GRM7: variants seen among roughly 807,000 people sequenced by gnomAD.
GRM7 encodes the protein glutamate metabotropic receptor 7, also known as metabotropic glutamate receptor 7.
A neutral mutation model predicts 84.5 loss-of-function variants in GRM7; 35 were observed. The observed-to-expected ratio is 0.41, with a 90% CI of 0.32 to 0.55. The LOEUF (loss-of-function observed/expected upper bound fraction) is 0.55. Ranked by LOEUF, GRM7 falls within the 20% of genes least tolerant of loss-of-function variation. The probability of loss-of-function intolerance (pLI) is 0.19; values close to 1 mark genes in which losing one functional copy is unlikely to be tolerated. For synonymous variants in GRM7, 487 were observed against 455.1 expected, an observed-to-expected ratio of 1.07 and a Z score of -0.89; for missense variants, 1,003 against 1,194.6, an observed-to-expected ratio of 0.84 and a Z score of 2.36.
chr3:7,066,124 G>C (rs1697648387), intron 1 of GRM7, among the ~76,000 whole-genome samples: 2 of 151,462 alleles, frequency 1.3e-5, no homozygotes, highest in East Asian at 3.9e-4. Context: ...AGGAACTAGA[G>C]AAATAAGAAC....
At chr3:6,870,395 T>C (rs576535544) in intron 1 of GRM7, among the ~76,000 whole-genome samples, 1 of 152,116 alleles carries the variant, frequency 6.6e-6, no homozygotes, top group East Asian at 1.9e-4. Flanking sequence ...GCCTGGCATG[T>C]TAGAAGAATA....
chr3:7,694,959 A>G (rs931733597), intron 9 of GRM7, among the ~76,000 whole-genome samples: 3 of 152,180 alleles, frequency 2.0e-5, no homozygotes, highest in African/African-American at 7.2e-5. Flanking sequence ...AGGTTTGGGA[A>G]ACAGTCTTAT....
chr3:7,458,858 A>G (rs1310370287), intron 6 of GRM7, among the ~76,000 whole-genome samples: 1 of 152,246 alleles, frequency 6.6e-6, no homozygotes, highest in Non-Finnish European at 1.5e-5. Context: ...TGAGTATCTC[A>G]ATAATAATGT....
intron 1 of GRM7, among the ~76,000 whole-genome samples, chr3:7,087,415 C>T (rs6783374): frequency 0.5 from 74,828 of 150,274 alleles, 19,843 homozygotes; most frequent in African/African-American, 0.7. Flanking sequence ...TTACCCCAAC[C>T]GAAAAATTAC....
chr3:7,146,226 C>G (rs1445363483), intron 1 of GRM7, among the ~76,000 whole-genome samples: 1 of 152,140 alleles, frequency 6.6e-6, no homozygotes, highest in Non-Finnish European at 1.5e-5. Context: ...TTCCCTTATT[C>G]CTAAGACAAG....
intron 1 of GRM7, among the ~76,000 whole-genome samples, chr3:7,112,917 T>C (rs1405693837): frequency 6.6e-6 from 1 of 152,176 alleles, no homozygotes; most frequent in Non-Finnish European, 1.5e-5. Flanking sequence ...TCCTTCCCTT[T>C]CAGCAGCCTG....
At chr3:7,356,577 A>G (rs1414503262) in intron 4 of GRM7, among the ~76,000 whole-genome samples, 4 of 152,150 alleles carry the variant, frequency 2.6e-5, no homozygotes, top group African/African-American at 9.6e-5. Context: ...TGCTAGGATT[A>G]CAGGCATAAG....
In GRM7 at chr3:6,919,185, G is replaced by C. The variant is rs531773435; in HGVS notation, c.519+57278G>C. ...AAGTAAAGGAAATCTTAAAATAAAT[G>C]TATTTTATTTTATTATTTTATTTTA... On this transcript the variant is annotated intron_variant, in intron 1 of 9. Coordinates refer to ENST00000357716, the MANE Select transcript of GRM7 (RefSeq NM_000844.4). Among the ~76,000 whole-genome samples, 9 of 151,866 alleles carry C rather than the reference G, an allele frequency of 5.9e-5. No homozygotes were observed. In the South Asian group the frequency reaches 1.7e-3, roughly 28 times the overall value.
intron 2 of GRM7, among the ~76,000 whole-genome samples, chr3:7,175,238 T>C (rs976432767): frequency 2.0e-5 from 3 of 152,258 alleles, no homozygotes; most frequent in African/African-American, 7.2e-5. Context: ...AGCCAGCAGC[T>C]GCTCGTAGCA....
At chr3:7,495,134 C>A (rs55998425) in intron 7 of GRM7, among the ~76,000 whole-genome samples, 16,033 of 152,146 alleles carry the variant, frequency 0.11, 1,282 homozygotes, top group African/African-American at 0.23. Flanking sequence ...CTTCTGTGGA[C>A]TGCCATTCCA....
chr3:7,585,393 T>C (rs1250519319), intron 8 of GRM7, among the ~76,000 whole-genome samples: 1 of 149,824 alleles, frequency 6.7e-6, no homozygotes, highest in Non-Finnish European at 1.5e-5. Flanking sequence ...GCTAATTTCA[T>C]ATGCAGTCAC....
chr3:7,516,401 T>C (rs1002342780), intron 7 of GRM7, among the ~76,000 whole-genome samples: 5 of 127,694 alleles, frequency 3.9e-5, no homozygotes, highest in Admixed American at 1.1e-4. Flanking sequence ...GGCGTGAACC[T>C]GGGAGGTGGA....
At chr3:7,630,379 A>G (rs753645694) in intron 8 of GRM7, among the ~76,000 whole-genome samples, 19 of 152,170 alleles carry the variant, frequency 1.2e-4, no homozygotes, top group Non-Finnish European at 4.4e-5. Context: ...CCTGGCAACA[A>G]TGTTGTGCAA....
chr3:7,740,310 C>A, intron 9 of GRM7, 47 bp from the exon 10 acceptor site: 1 of 1,238,288 alleles, frequency 8.1e-7, no homozygotes, highest in Non-Finnish European at 1.2e-6. Flanking sequence ...TCTACCTTTG[C>A]AAACAGGGTT....
At chr3:7,336,055 G>A (rs1701406963) in intron 4 of GRM7, among the ~76,000 whole-genome samples, 1 of 151,388 alleles carries the variant, frequency 6.6e-6, no homozygotes, top group Non-Finnish European at 1.5e-5. Context: ...TATGAAACCA[G>A]TATCACCATA....
At chr3:7,524,053 A>T (rs1030667533) in intron 7 of GRM7, among the ~76,000 whole-genome samples, 5 of 152,144 alleles carry the variant, frequency 3.3e-5, no homozygotes, top group African/African-American at 9.7e-5. Flanking sequence ...AGAATTCAGC[A>T]TGAGCCCTAA....
chr3:7,422,079 A>G (rs1375467840), intron 5 of GRM7, among the ~76,000 whole-genome samples: 1 of 152,038 alleles, frequency 6.6e-6, no homozygotes, highest in Non-Finnish European at 1.5e-5. Flanking sequence ...TAGGTGACAG[A>G]GTGAGACCTT....
At chr3:7,153,792 A>G (rs1483063770) in intron 2 of GRM7, among the ~76,000 whole-genome samples, 2 of 151,418 alleles carry the variant, frequency 1.3e-5, no homozygotes, top group East Asian at 3.9e-4. Flanking sequence ...ATGATAAATA[A>G]TAATTCTAGT....
intron 4 of GRM7, among the ~76,000 whole-genome samples, chr3:7,329,837 A>G (rs1701131284): frequency 6.6e-6 from 1 of 152,138 alleles, no homozygotes; most frequent in African/African-American, 2.4e-5. Flanking sequence ...ACATATATGC[A>G]TCTATTTCCT....
Sources: gnomAD v4.1 joint callset for allele counts (sites outside exome capture counted in the v4.1 genomes callset) on GRCh38, gnomAD v4.1.1 for gene constraint, MANE v1.5 for transcripts, NCBI Gene and HGNC (gene_info 2026-07-23, HGNC 2026-07-21) for gene names.